Variants in SKAP1 observed in about 807,000 individuals in gnomAD.
The protein encoded by SKAP1 is src kinase-associated phosphoprotein 1.
A neutral mutation model predicts 58.5 loss-of-function variants in SKAP1; 44 were observed. The ratio of observed to expected loss-of-function variants is 0.75; its 90% CI spans 0.59 to 0.97. The LOEUF is 0.97. SKAP1 is among the 50% of genes least tolerant of loss of function. The probability of loss-of-function intolerance (pLI) is 0.00; values close to 1 mark genes in which losing one functional copy is unlikely to be tolerated. For synonymous variants in SKAP1, 127 were observed against 149.7 expected (o/e 0.85, Z 1.11); for missense variants, 390 against 435.2 (o/e 0.90, Z 0.92).
intron 4 of SKAP1, among the ~76,000 whole-genome samples, chr17:48,311,576 A>T (rs1419549394): frequency 6.6e-6 from 1 of 152,170 alleles, no homozygotes; most frequent in East Asian, 1.9e-4. Context: ...CATTAATATC[A>T]TGGCAGTGCT....
intron 11 of SKAP1, among the ~76,000 whole-genome samples, chr17:48,160,325 A>G (rs766427040): frequency 4.1e-4 from 62 of 151,782 alleles, no homozygotes; most frequent in Non-Finnish European, 7.9e-4. Flanking sequence ...TTTTGTAGAG[A>G]TGGGATCCTG....
intron 4 of SKAP1, among the ~76,000 whole-genome samples, chr17:48,254,804 C>T (rs2065404916): frequency 6.6e-6 from 1 of 151,786 alleles, no homozygotes; most frequent in South Asian, 2.1e-4. Flanking sequence ...CCATAAAATT[C>T]TGCAAATTCC....
intron 1 of SKAP1, among the ~76,000 whole-genome samples, chr17:48,426,359 T>C (rs898160620): frequency 2.0e-5 from 3 of 152,248 alleles, no homozygotes; most frequent in African/African-American, 4.8e-5. Context: ...ATGTAGGCAG[T>C]TGGGACCTAT....
At chr17:48,324,048 A>G (rs1203357778) in intron 4 of SKAP1, among the ~76,000 whole-genome samples, 1 of 152,158 alleles carries the variant, frequency 6.6e-6, no homozygotes, top group African/African-American at 2.4e-5. Context: ...TATTTGAAAA[A>G]ACAAAAACAA....
intron 8 of SKAP1, among the ~76,000 whole-genome samples, chr17:48,181,567 T>C (rs1209190231): frequency 1.3e-5 from 2 of 152,212 alleles, no homozygotes; most frequent in African/African-American, 4.8e-5. Context: ...CTTCTTTTTA[T>C]CCACAATAAA....
intron 11 of SKAP1, among the ~76,000 whole-genome samples, chr17:48,157,155 A>C (rs2143220141): frequency 6.6e-6 from 1 of 152,306 alleles, no homozygotes; most frequent in Admixed American, 6.5e-5. Context: ...CCAGGGTCAT[A>C]AATAACCCGT....
At chr17:48,301,627 C>T (rs1037876820) in intron 4 of SKAP1, among the ~76,000 whole-genome samples, 1 of 152,160 alleles carries the variant, frequency 6.6e-6, no homozygotes, top group Admixed American at 6.5e-5. Context: ...CAGGCACCCA[C>T]CACCATGCCC....
chr17:48,413,523 A>AAAAATATATATATAT, intron 1 of SKAP1, among the ~76,000 whole-genome samples: 1 of 105,502 alleles, frequency 9.5e-6, no homozygotes, highest in African/African-American at 4.3e-5. Context: ...TCAAAAAAAA[A>AAAAATATATATATAT]ATATATATAT....
At chr17:48,397,739 C>T (rs1174075909) in intron 1 of SKAP1, among the ~76,000 whole-genome samples, 2 of 152,024 alleles carry the variant, frequency 1.3e-5, no homozygotes, top group African/African-American at 2.4e-5. Flanking sequence ...TGAAGGAACC[C>T]ACATGAGAAA....
chr17:48,223,939 C>T (rs2065033439), intron 4 of SKAP1, among the ~76,000 whole-genome samples: 1 of 151,138 alleles, frequency 6.6e-6, no homozygotes, highest in Non-Finnish European at 1.5e-5. Context: ...TAAAAACCTA[C>T]AGCTCAGAGA....
intron 4 of SKAP1, among the ~76,000 whole-genome samples, chr17:48,285,194 G>A (rs1018789694): frequency 6.6e-5 from 10 of 152,164 alleles, no homozygotes; most frequent in African/African-American, 2.2e-4. Flanking sequence ...GAGGCATTTA[G>A]CAACATATTT....
At chr17:48,383,174 T>C (rs2067238028) in intron 2 of SKAP1, among the ~76,000 whole-genome samples, 1 of 152,216 alleles carries the variant, frequency 6.6e-6, no homozygotes, top group Non-Finnish European at 1.5e-5. Context: ...CATTTCTCTT[T>C]ATTACCAACA....
chr17:48,154,402 A>G (rs1470467957), intron 11 of SKAP1, among the ~76,000 whole-genome samples: 1 of 152,238 alleles, frequency 6.6e-6, no homozygotes, highest in Non-Finnish European at 1.5e-5. Context: ...AAGATGACCC[A>G]GACCCTGGTG....
At chr17:48,392,662 G>A (rs1239035497) in intron 2 of SKAP1, among the ~76,000 whole-genome samples, 3 of 151,740 alleles carry the variant, frequency 2.0e-5, no homozygotes, top group African/African-American at 7.3e-5. Flanking sequence ...GGAGAGACCA[G>A]CCTGGCCAAC....
At chr17:48,366,261 T>C (rs758358198) in intron 2 of SKAP1, among the ~76,000 whole-genome samples, 1 of 152,194 alleles carries the variant, frequency 6.6e-6, no homozygotes, top group Non-Finnish European at 1.5e-5. Context: ...ATTCACAGTT[T>C]AATTTGGGGA....
At chr17:48,440,992 T>C in the SKAP1 span, among the ~76,000 whole-genome samples, 1 of 152,250 alleles carries the variant, frequency 6.6e-6, no homozygotes, top group South Asian at 2.1e-4. Flanking sequence ...GTTTCTTTGG[T>C]CACTTGGATG....
intron 4 of SKAP1, among the ~76,000 whole-genome samples, chr17:48,305,537 A>G (rs2066127955): frequency 6.6e-6 from 1 of 152,204 alleles, no homozygotes. Flanking sequence ...TGGCTGAAGG[A>G]CGTAAAGTCT....
intron 1 of SKAP1, among the ~76,000 whole-genome samples, chr17:48,421,268 T>C (rs2067789949): frequency 6.6e-6 from 1 of 151,346 alleles, no homozygotes; most frequent in African/African-American, 2.4e-5. Context: ...TGCAAAATAC[T>C]AGTTTTACAC....
intron 2 of SKAP1, among the ~76,000 whole-genome samples, chr17:48,386,326 G>GTTAA (rs1567893783): frequency 7.5e-6 from 1 of 133,686 alleles, no homozygotes; most frequent in Non-Finnish European, 1.6e-5. Context: ...TTTTTTTTTG[G>GTTAA]TGACTATAAG....
Sources: gnomAD v4.1 joint callset for allele counts (sites outside exome capture counted in the v4.1 genomes callset) on GRCh38, gnomAD v4.1.1 for gene constraint, MANE v1.5 for transcripts, NCBI Gene and HGNC (gene_info 2026-07-23, HGNC 2026-07-21) for gene names.